The following PLEKHM3 variants were observed in gnomAD, a reference collection of about 807,000 sequenced individuals.
PLEKHM3 encodes the protein pleckstrin homology domain-containing family M member 3.
In PLEKHM3, 45 loss-of-function variants were observed where a neutral mutation model predicts 81.8. The observed-to-expected ratio is 0.55, with a 90% confidence interval of 0.43 to 0.71. The LOEUF (loss-of-function observed/expected upper bound fraction) is 0.71. Among genes scored for constraint, PLEKHM3 ranks in the 30% least tolerant of loss-of-function variants. The probability of loss-of-function intolerance (pLI) is 0.00; values close to 1 mark genes in which losing one functional copy is unlikely to be tolerated. For missense variants in PLEKHM3, 788 were observed against 924.3 expected (o/e 0.85, Z 1.91); for synonymous variants, 352 against 356.4 (o/e 0.99, Z 0.14).
intron 6 of PLEKHM3, among the ~76,000 whole-genome samples, chr2:207,890,819 T>C (rs576928121): frequency 2.6e-5 from 4 of 152,346 alleles, no homozygotes; most frequent in African/African-American, 9.6e-5. Context: ...CTTTATAGTA[T>C]TGCTTTTGGA....
chr2:207,877,008 T>G (rs1449282354), intron 6 of PLEKHM3, among the ~76,000 whole-genome samples: 2 of 152,148 alleles, frequency 1.3e-5, no homozygotes, highest in African/African-American at 4.8e-5. Context: ...TATTACCCAA[T>G]CTGAAGATTT....
chr2:207,894,266 C>G (rs149814588), intron 6 of PLEKHM3, among the ~76,000 whole-genome samples: 56 of 152,266 alleles, frequency 3.7e-4, no homozygotes, highest in African/African-American at 1.3e-3. Flanking sequence ...GACTACAGGT[C>G]ATTGGTGTAG....
At chr2:207,950,926 A>G (rs1213540084) in intron 3 of PLEKHM3, among the ~76,000 whole-genome samples, 2 of 152,226 alleles carry the variant, frequency 1.3e-5, no homozygotes, top group Non-Finnish European at 2.9e-5. Context: ...CCCCAAATCC[A>G]AAGTATTTGT....
intron 3 of PLEKHM3, 103 bp from the exon 4 acceptor site, chr2:207,946,615 T>C (rs1461220052): frequency 3.5e-6 from 5 of 1,423,716 alleles, no homozygotes; most frequent in Non-Finnish European, 4.7e-6. Flanking sequence ...TATATTTCAT[T>C]TACCTAGTCT....
rs1691300333 is a variant in PLEKHM3, at chr2:207,976,078, G to T, written c.1546+573C>A. On this transcript the variant is annotated intron_variant, in intron 3 of 7. Transcript: ENST00000427836. This position sits in a 1 kb window ranked among gnomAD's most constrained non-coding sequence, Gnocchi z 4.1. Reference sequence around the variant, plus strand: ...CTGGGCTTCCCCATGATGGGCATAAGCCCATAGTGACTCAGTGGTCATCTG... The same window carrying T: ...CTGGGCTTCCCCATGATGGGCATAATCCCATAGTGACTCAGTGGTCATCTG... 6.6e-6 allele frequency among the ~76,000 whole-genome samples: 1 copy of T among 152,120 alleles called. No homozygotes were observed. Among genetic ancestry groups the T allele is most frequent in the Non-Finnish European group, 1.5e-5 (1 of 68,016 alleles).
chr2:208,024,488 T>A (rs1227375210), intron 1 of PLEKHM3, among the ~76,000 whole-genome samples: 1 of 152,242 alleles, frequency 6.6e-6, no homozygotes, highest in East Asian at 1.9e-4. Context: ...AGGTTACAAA[T>A]GTCTACTGAT....
intron 3 of PLEKHM3, among the ~76,000 whole-genome samples, chr2:207,966,835 G>A (rs985149363): frequency 1.1e-4 from 16 of 152,114 alleles, no homozygotes; most frequent in Non-Finnish European, 2.9e-5. Context: ...TTACAGGCGT[G>A]AGCCACCCCG....
At chr2:207,997,022 T>A (rs1023572400) in intron 2 of PLEKHM3, among the ~76,000 whole-genome samples, 10 of 133,260 alleles carry the variant, frequency 7.5e-5, no homozygotes, top group Non-Finnish European at 1.2e-4. Flanking sequence ...AAAAAAAAAA[T>A]TACAATGCGG....
At position 207,843,385 on chromosome 2, in the gene PLEKHM3, T is replaced by C. The variant is rs1018475287; in HGVS notation, c.2109-14889A>G. On this transcript the variant is annotated intron_variant, in intron 7 of 7. Coordinates refer to ENST00000427836, the MANE Select transcript of PLEKHM3 (RefSeq NM_001080475.3). This position sits in a 1 kb window ranked among gnomAD's most constrained non-coding sequence, Gnocchi z 4.4. ...GCCTGGGAGAAGGAGACTTGAGTACTGCTTGTAGGTACTTTGGAAGTATTA... is the reference window on the plus strand; with the variant it reads ...GCCTGGGAGAAGGAGACTTGAGTACCGCTTGTAGGTACTTTGGAAGTATTA... Among the ~76,000 whole-genome samples, 1 of 152,196 alleles carries C rather than the reference T, an allele frequency of 6.6e-6. No homozygotes were observed. Among genetic ancestry groups the C allele is most frequent in the African/African-American group, 2.4e-5 (1 of 41,454 alleles).
rs780874573 is a variant in PLEKHM3, at chr2:207,976,788, C to T, written c.1409G>A (p.Arg470Lys). 14 of 1,614,226 alleles carry T rather than the reference C, an allele frequency of 8.7e-6. No individual in the cohort carries two copies. In the East Asian group the frequency reaches 2.9e-4, roughly 33 times the overall value. Residue 470 changes from arginine to lysine, a missense_variant, in exon 3 of 8, where the codon AGG (arginine) becomes AAG (lysine). Physicochemically the swap from Arg to Lys is conservative, Grantham distance 26 (BLOSUM62 2). Transcript: ENST00000427836. This position sits in a 1 kb window ranked among gnomAD's most constrained non-coding sequence, Gnocchi z 4.1. ...ACCCATTTGATCCTTGGGTTTGTTC[C>T]TCAGTGTGACTTGCAGGTTTTGCTC... ...SSEQNLQVTLRNKPKDQMGGH... is the reference protein window; with the variant it reads ...SSEQNLQVTLKNKPKDQMGGH...
chr2:207,935,387 C>T (rs921531505), intron 4 of PLEKHM3, among the ~76,000 whole-genome samples: 1 of 152,016 alleles, frequency 6.6e-6, no homozygotes, highest in Non-Finnish European at 1.5e-5. Flanking sequence ...AGATCCAGCC[C>T]GGACCCCCAC....
chr2:207,977,615 G>A (rs1691365720), intron 2 of PLEKHM3, 29 bp from the exon 3 acceptor site: 1 of 1,548,360 alleles, frequency 6.5e-7, no homozygotes, highest in Non-Finnish European at 8.7e-7. Flanking sequence ...GCAAAGTATT[G>A]ATTAGAATTA....
In PLEKHM3 at chr2:207,823,238, C is replaced by G. The variant is rs957886728; in HGVS notation, c.*5081G>C. On this transcript the variant is annotated 3_prime_UTR_variant, in exon 8 of 8. Coordinates refer to ENST00000427836, the MANE Select transcript of PLEKHM3 (RefSeq NM_001080475.3). ...GTTGTCTCACTTGAGTTTAGCAATG[C>G]TTTCCATCACACCAGCGGCCACTTT... The G allele has an allele frequency of 6.6e-6, 1 of 152,114 alleles. No individual in the cohort carries two copies. The highest frequency in any genetic ancestry group is 2.4e-5 in the African/African-American group (1 of 41,398). 9.4% of individuals were successfully genotyped at this position (152,114 alleles called of 1,614,324 possible). A position where few individuals can be genotyped will look rare whatever the true frequency, so the allele number is the denominator to read the frequency against.
intron 4 of PLEKHM3, among the ~76,000 whole-genome samples, chr2:207,937,862 T>C (rs1689807752): frequency 6.6e-6 from 1 of 152,202 alleles, no homozygotes; most frequent in Non-Finnish European, 1.5e-5. Flanking sequence ...TACTTCTTAG[T>C]CCTGTTAAAA....
chr2:207,933,422 A>G (rs1361168897), intron 4 of PLEKHM3, among the ~76,000 whole-genome samples: 2 of 152,244 alleles, frequency 1.3e-5, no homozygotes, highest in Non-Finnish European at 2.9e-5. Flanking sequence ...TGAGGAAAAG[A>G]CTGATGGTGT....
intron 2 of PLEKHM3, among the ~76,000 whole-genome samples, chr2:207,985,144 C>G (rs1691672528): frequency 6.6e-6 from 1 of 151,958 alleles, no homozygotes; most frequent in Non-Finnish European, 1.5e-5. Context: ...CACCATCTTT[C>G]CATCAGCTGA....
chr2:207,971,462 G>A (rs952242685), intron 3 of PLEKHM3, among the ~76,000 whole-genome samples: 3 of 151,660 alleles, frequency 2.0e-5, no homozygotes, highest in Non-Finnish European at 2.9e-5. Flanking sequence ...TTGAGATAAT[G>A]GATATGCTAA....
At chr2:207,942,728 G>A (rs112358526) in intron 4 of PLEKHM3, among the ~76,000 whole-genome samples, 584 of 152,096 alleles carry the variant, frequency 3.8e-3, no homozygotes, top group African/African-American at 0.013. Flanking sequence ...GTGAAACCCC[G>A]TCTCTACTAA....
intron 2 of PLEKHM3, among the ~76,000 whole-genome samples, chr2:207,988,222 A>C (rs924276586): frequency 6.6e-6 from 1 of 152,178 alleles, no homozygotes; most frequent in Non-Finnish European, 1.5e-5. Context: ...GCTTCACTTC[A>C]ACATCATACT....
Sources: gnomAD v4.1 joint callset for allele counts (sites outside exome capture counted in the v4.1 genomes callset) on GRCh38, gnomAD v4.1.1 for gene constraint, Gnocchi (gnomAD v3.1) non-coding constraint, MANE v1.5 for transcripts, NCBI Gene and HGNC (gene_info 2026-07-23, HGNC 2026-07-21) for gene names.